The following DPP6 variants were observed in gnomAD, a reference collection of about 807,000 sequenced individuals.
DPP6 encodes the protein A-type potassium channel modulatory protein DPP6.
DPP6 carries 69 observed loss-of-function variants against 122.6 expected under a neutral mutation model. The observed-to-expected ratio is 0.56, with a 90% confidence interval of 0.46 to 0.69. The LOEUF (loss-of-function observed/expected upper bound fraction) is 0.69, where lower values mean the gene tolerates loss of function less well. DPP6 is among the 30% of genes least tolerant of loss of function. The pLI, the probability that DPP6 is intolerant of heterozygous loss-of-function variation, is 0.00. For synonymous variants in DPP6, 418 were observed against 433.1 expected (o/e 0.97, Z 0.43); for missense variants, 928 against 1,116.9 (o/e 0.83, Z 2.41).
chr7:153,787,080 T>C, the DPP6 span, among the ~76,000 whole-genome samples: 1 of 143,762 alleles, frequency 7.0e-6, no homozygotes, highest in East Asian at 2.0e-4. Flanking sequence ...GCCTCCCAAG[T>C]AGCTGGGACT....
chr7:154,670,804 CA>C (rs1838506080), intron 7 of DPP6, among the ~76,000 whole-genome samples: 1 of 152,160 alleles, frequency 6.6e-6, no homozygotes, highest in Non-Finnish European at 1.5e-5. Flanking sequence ...CCCCATAGTA[CA>C]ATCACATTTT....
intron 1 of DPP6, among the ~76,000 whole-genome samples, chr7:153,936,802 C>G (rs915148035): frequency 9.4e-6 from 1 of 106,540 alleles, no homozygotes; most frequent in Non-Finnish European, 1.9e-5. Context: ...CAGAGTGAGA[C>G]TCCGTCTCAA....
At chr7:153,976,094 G>A (rs1027743434) in intron 1 of DPP6, among the ~76,000 whole-genome samples, 6 of 152,088 alleles carry the variant, frequency 3.9e-5, no homozygotes, top group African/African-American at 1.4e-4. Context: ...GCTTGGACTT[G>A]GACATGAACT....
intron 7 of DPP6, among the ~76,000 whole-genome samples, chr7:154,719,806 T>G (rs888232219): frequency 2.6e-5 from 4 of 151,982 alleles, no homozygotes; most frequent in Non-Finnish European, 5.9e-5. Context: ...GGAAACGGAG[T>G]CTTCTGAGGC....
chr7:154,769,627 C>T (rs1796126486), intron 9 of DPP6, 56 bp downstream of exon 9: 1 of 1,481,098 alleles, frequency 6.8e-7, no homozygotes, highest in Non-Finnish European at 9.0e-7. Flanking sequence ...AACACCCCAA[C>T]CCTGCTCACT....
intron 1 of DPP6, among the ~76,000 whole-genome samples, chr7:154,276,138 G>A (rs1804113427): frequency 2.0e-5 from 3 of 152,132 alleles, no homozygotes; most frequent in Admixed American, 2.0e-4. Flanking sequence ...CTTTACTGAG[G>A]GTGGGTCTAT....
chr7:154,637,522 A>G (rs530975751), intron 5 of DPP6, among the ~76,000 whole-genome samples: 1 of 152,206 alleles, frequency 6.6e-6, no homozygotes, highest in Non-Finnish European at 1.5e-5. Context: ...TGTCCTCATT[A>G]GTTCTGTGCT....
intron 5 of DPP6, among the ~76,000 whole-genome samples, chr7:154,580,193 TC>T (rs1831966600): frequency 7.7e-6 from 1 of 130,428 alleles, no homozygotes; most frequent in Admixed American, 7.6e-5. Flanking sequence ...ATACTCTCCC[TC>T]CCCCTTACAC....
intron 5 of DPP6, among the ~76,000 whole-genome samples, chr7:154,599,429 T>C (rs1833291996): frequency 6.6e-6 from 1 of 152,088 alleles, no homozygotes; most frequent in African/African-American, 2.4e-5. Context: ...GAGGTGAATA[T>C]TTGTGGGTAA....
Position 154,555,793 on chromosome 7 carries a change from T to A in DPP6, c.553-11049T>A, listed in dbSNP as rs1829995026. 3.3e-5 allele frequency among the ~76,000 whole-genome samples: 5 copies of A among 151,806 alleles called. No individual in the cohort carries two copies. In the South Asian group the frequency reaches 1.0e-3, roughly 32 times the overall value. On this transcript the variant is annotated intron_variant, in intron 4 of 25. Coordinates refer to ENST00000377770, the MANE Select transcript of DPP6 (RefSeq NM_130797.4). ...TCCATTCACAATAAGAACAAAAATA[T>A]AAAAAGACTTCAAATAAATCTGACA...
intron 5 of DPP6, among the ~76,000 whole-genome samples, chr7:154,574,709 GTATGTGT>G: frequency 7.3e-6 from 1 of 136,740 alleles, no homozygotes; most frequent in Non-Finnish European, 1.6e-5. Flanking sequence ...TGGTGTGTGT[GTATGTGT>G]GTGTGGGGTG....
the DPP6 span, among the ~76,000 whole-genome samples, chr7:153,877,257 A>G: frequency 0.027 from 4,100 of 152,228 alleles, 158 homozygotes; most frequent in African/African-American, 0.093. Flanking sequence ...TTAAGACACA[A>G]ATAATACAAT....
intron 3 of DPP6, among the ~76,000 whole-genome samples, chr7:154,488,082 A>G (rs1563749257): frequency 1.3e-5 from 2 of 152,110 alleles, no homozygotes; most frequent in South Asian, 4.1e-4. Context: ...GATTCAGCAA[A>G]TGGGCAAATT....
chr7:153,781,503 T>C, the DPP6 span, among the ~76,000 whole-genome samples: 1 of 152,234 alleles, frequency 6.6e-6, no homozygotes, highest in Non-Finnish European at 1.5e-5. Context: ...ACAGGCACAC[T>C]ACTTACACTC....
the DPP6 span, among the ~76,000 whole-genome samples, chr7:153,814,506 C>T: frequency 6.6e-6 from 1 of 152,084 alleles, no homozygotes; most frequent in African/African-American, 2.4e-5. Context: ...CAGATGGATT[C>T]ACAGCTGAAT....
chr7:154,362,402 AAT>A (rs1811807951), intron 1 of DPP6, among the ~76,000 whole-genome samples: 1 of 152,136 alleles, frequency 6.6e-6, no homozygotes, highest in African/African-American at 2.4e-5. Context: ...CCTCCCTAGC[AAT>A]AGAGTTTTTT....
chr7:153,893,935 G>A (rs1799306189), intron 1 of DPP6, among the ~76,000 whole-genome samples: 1 of 152,210 alleles, frequency 6.6e-6, no homozygotes, highest in African/African-American at 2.4e-5. Flanking sequence ...TAAAGCTAGA[G>A]TCACTGCAGG....
At chr7:154,507,820 C>T (rs773540209) in intron 3 of DPP6, among the ~76,000 whole-genome samples, 1 of 147,620 alleles carries the variant, frequency 6.8e-6, no homozygotes, top group Non-Finnish European at 1.5e-5. Flanking sequence ...TTACATGGCT[C>T]TATAATATTA....
At chr7:154,514,369 C>T (rs1826327099) in intron 3 of DPP6, among the ~76,000 whole-genome samples, 1 of 152,040 alleles carries the variant, frequency 6.6e-6, no homozygotes, top group African/African-American at 2.4e-5. Context: ...TTTTCTTTCT[C>T]AGGAATTCTT....
Sources: gnomAD v4.1 joint callset for allele counts (sites outside exome capture counted in the v4.1 genomes callset) on GRCh38, gnomAD v4.1.1 for gene constraint, MANE v1.5 for transcripts, NCBI Gene and HGNC (gene_info 2026-07-23, HGNC 2026-07-21) for gene names.